DOK5: variants seen among roughly 807,000 people sequenced by gnomAD.
DOK5 encodes downstream of tyrosine kinase 5.
DOK5 carries 27 observed loss-of-function variants against 43.3 expected under a neutral mutation model. The ratio of observed to expected loss-of-function variants is 0.62; its 90% CI spans 0.46 to 0.86. The LOEUF (loss-of-function observed/expected upper bound fraction) is 0.86, where lower values mean the gene tolerates loss of function less well. Ranked by LOEUF, DOK5 falls within the 40% of genes least tolerant of loss-of-function variation. DOK5 has a pLI of 0.00. For missense variants in DOK5, 373 were observed against 392.9 expected (o/e 0.95, Z 0.43); for synonymous variants, 146 against 140.1 (o/e 1.04, Z -0.30).
In DOK5 at chr20:54,555,444, G is replaced by A. The variant is rs116311244; in HGVS notation, c.174+404G>A. 9.4e-3 allele frequency: 1,466 copies of A among 156,728 alleles called. 32 individuals carry two copies. Among genetic ancestry groups the A allele is most frequent in the African/African-American group, 0.034 (1,402 of 41,712 alleles). The allele number at this position is 156,728 out of a possible 1,614,324, so 9.7% of individuals were successfully genotyped here. On this transcript the variant is annotated intron_variant, in intron 2 of 7. Coordinates refer to ENST00000262593, the MANE Select transcript of DOK5 (RefSeq NM_018431.5). ...GAAGAAGCAGAAAACAGGTAACAGTGGACGAAGAGGAAGTTCTACCGATTT... is the reference window on the plus strand; with the variant it reads ...GAAGAAGCAGAAAACAGGTAACAGTAGACGAAGAGGAAGTTCTACCGATTT...
chr20:54,564,171 C>G (rs1353722468), intron 2 of DOK5, among the ~76,000 whole-genome samples: 1 of 152,124 alleles, frequency 6.6e-6, no homozygotes, highest in East Asian at 1.9e-4. Flanking sequence ...CGCCTGTAAT[C>G]CCAGCACTTT....
At chr20:54,495,486 C>A (rs1411266959) in intron 1 of DOK5, among the ~76,000 whole-genome samples, 1 of 152,076 alleles carries the variant, frequency 6.6e-6, no homozygotes, top group Non-Finnish European at 1.5e-5. Flanking sequence ...AATTTTTTCT[C>A]ATAACTGTCA....
intron 1 of DOK5, among the ~76,000 whole-genome samples, chr20:54,526,760 C>T (rs1340600032): frequency 1.3e-5 from 2 of 152,070 alleles, no homozygotes; most frequent in South Asian, 2.1e-4. Flanking sequence ...TCTGAACTCC[C>T]GGAGAAAAGA....
chr20:54,495,806 C>T (rs982552202), intron 1 of DOK5, among the ~76,000 whole-genome samples: 6 of 151,960 alleles, frequency 3.9e-5, no homozygotes, highest in East Asian at 1.9e-4. Context: ...GGCTTGAACC[C>T]GGGAGTCGGA....
chr20:54,586,017 G>A (rs572777627), intron 2 of DOK5, among the ~76,000 whole-genome samples: 8 of 152,230 alleles, frequency 5.3e-5, no homozygotes, highest in East Asian at 1.9e-4. Flanking sequence ...CCAGCTACTC[G>A]GGAGGCTGAA....
chr20:54,495,851 C>T (rs1982370348), intron 1 of DOK5, among the ~76,000 whole-genome samples: 1 of 152,080 alleles, frequency 6.6e-6, no homozygotes, highest in Non-Finnish European at 1.5e-5. Context: ...CATTGCATTT[C>T]AGCCTGGGCA....
intron 5 of DOK5, among the ~76,000 whole-genome samples, chr20:54,597,259 A>G (rs2146777710): frequency 6.6e-6 from 1 of 152,326 alleles, no homozygotes; most frequent in Non-Finnish European, 1.5e-5. Flanking sequence ...TTTTGCTCCT[A>G]AGGGACATTT....
chr20:54,638,122 G>GAAAAAA (rs35374729), intron 6 of DOK5, among the ~76,000 whole-genome samples: 2 of 130,126 alleles, frequency 1.5e-5, no homozygotes. Context: ...ACTCTGTCTC[G>GAAAAAA]AAAAAAAAAA....
At chr20:54,644,705 C>CAAAAAAAAAAAAAA (rs71196460) in intron 7 of DOK5, among the ~76,000 whole-genome samples, 1 of 15,216 alleles carries the variant, frequency 6.6e-5, no homozygotes, top group African/African-American at 2.4e-4. Context: ...GACTCCGTCT[C>CAAAAAAAAAAAAAA]AAAAAAAAAA....
intron 1 of DOK5, among the ~76,000 whole-genome samples, chr20:54,484,105 G>A (rs1452946695): frequency 5.9e-5 from 9 of 152,058 alleles, no homozygotes; most frequent in African/African-American, 2.2e-4. Flanking sequence ...CAGGTTGGGT[G>A]TGGTGGCTCA....
At chr20:54,490,411 C>A (rs1238565831) in intron 1 of DOK5, among the ~76,000 whole-genome samples, 1 of 152,144 alleles carries the variant, frequency 6.6e-6, no homozygotes, top group Non-Finnish European at 1.5e-5. Context: ...TAATACAGCT[C>A]AGTCTATATT....
At position 54,610,048 on chromosome 20, in the gene DOK5, G is replaced by C. The variant is rs539931558; in HGVS notation, c.600-340G>C. ...TGTACAAAGGAATACGCTTGCACAG[G>C]TATTTCTCTTTGAGAGTGGCAAGGT... On this transcript the variant is annotated intron_variant, in intron 5 of 7. Coordinates refer to ENST00000262593, the MANE Select transcript of DOK5 (RefSeq NM_018431.5). 5.3e-5 allele frequency among the ~76,000 whole-genome samples: 8 copies of C among 152,308 alleles called. No individual in the cohort carries two copies. The East Asian group carries it at 1.2e-3, about 22-fold the overall frequency.
At chr20:54,561,899 C>T (rs917434879) in intron 2 of DOK5, among the ~76,000 whole-genome samples, 3 of 152,180 alleles carry the variant, frequency 2.0e-5, no homozygotes, top group East Asian at 1.9e-4. Flanking sequence ...TCAGGTGATC[C>T]GCCCACCTCG....
At chr20:54,596,346 A>G (rs909244696) in intron 5 of DOK5, among the ~76,000 whole-genome samples, 2 of 152,250 alleles carry the variant, frequency 1.3e-5, no homozygotes, top group Non-Finnish European at 2.9e-5. Flanking sequence ...TAGTTTTCAC[A>G]TATCCAACAT....
At chr20:54,594,274 C>T (rs1986068626) in intron 5 of DOK5, among the ~76,000 whole-genome samples, 1 of 152,136 alleles carries the variant, frequency 6.6e-6, no homozygotes, top group Non-Finnish European at 1.5e-5. Context: ...CACCTGTGGT[C>T]TCAGCTACTC....
At chr20:54,610,187 A>G (rs1986601263) in intron 5 of DOK5, among the ~76,000 whole-genome samples, 1 of 152,266 alleles carries the variant, frequency 6.6e-6, no homozygotes, top group Non-Finnish European at 1.5e-5. Flanking sequence ...GTTAGCCTGG[A>G]GTCCCTTGGT....
At chr20:54,585,306 G>T (rs375358343) in intron 2 of DOK5, among the ~76,000 whole-genome samples, 1 of 152,122 alleles carries the variant, frequency 6.6e-6, no homozygotes, top group Non-Finnish European at 1.5e-5. Context: ...TCTCCTGAGC[G>T]GGGGTGTTCA....
At chr20:54,579,081 T>C (rs563822854) in intron 2 of DOK5, among the ~76,000 whole-genome samples, 1 of 152,326 alleles carries the variant, frequency 6.6e-6, no homozygotes, top group Non-Finnish European at 1.5e-5. Context: ...ATTAACAGTA[T>C]CTTTCCTGAC....
intron 1 of DOK5, among the ~76,000 whole-genome samples, chr20:54,530,850 T>C (rs897956297): frequency 1.3e-5 from 2 of 152,132 alleles, no homozygotes; most frequent in Non-Finnish European, 2.9e-5. Flanking sequence ...ATTTCCCAAA[T>C]GTAAGAATAT....
Sources: gnomAD v4.1 joint callset for allele counts (sites outside exome capture counted in the v4.1 genomes callset) on GRCh38, gnomAD v4.1.1 for gene constraint, MANE v1.5 for transcripts, NCBI Gene and HGNC (gene_info 2026-07-23, HGNC 2026-07-21) for gene names.